The following TMX4 variants were observed in gnomAD, a reference collection of about 807,000 sequenced individuals.
TMX4 encodes the protein thioredoxin related transmembrane protein 4.
Under a neutral mutation model 33.3 loss-of-function variants are expected in TMX4, and 23 were observed. The observed-to-expected ratio is 0.69, with a 90% CI of 0.50 to 0.98. The LOEUF is 0.98. Ranked by LOEUF, TMX4 falls within the 50% of genes least tolerant of loss-of-function variation. TMX4 has a pLI of 0.00. For synonymous variants in TMX4, 164 were observed against 161.5 expected (o/e 1.02, Z -0.12); for missense variants, 399 against 448.9 (o/e 0.89, Z 1.01).
At chr20:7,998,296 A>G (rs2050685625) in intron 4 of TMX4, among the ~76,000 whole-genome samples, 1 of 152,220 alleles carries the variant, frequency 6.6e-6, no homozygotes, top group East Asian at 1.9e-4. Context: ...GCCCAAGGCA[A>G]TAACAAGTAC....
chr20:8,017,143 C>T (rs2050779068), intron 1 of TMX4, among the ~76,000 whole-genome samples: 1 of 151,704 alleles, frequency 6.6e-6, no homozygotes, highest in South Asian at 2.1e-4. Flanking sequence ...CCTGATAATA[C>T]AGAAAAAAAT....
intron 6 of TMX4, among the ~76,000 whole-genome samples, chr20:7,985,247 G>A (rs202066621): frequency 7.8e-5 from 10 of 128,894 alleles, no homozygotes; most frequent in Non-Finnish European, 1.2e-4. Flanking sequence ...GTATATATAT[G>A]TGTGTGTGTG....
intron 5 of TMX4, among the ~76,000 whole-genome samples, chr20:7,995,315 A>G (rs1348673840): frequency 2.0e-5 from 3 of 152,212 alleles, no homozygotes; most frequent in South Asian, 2.1e-4. Context: ...ATTTTGTTCA[A>G]TCTGGTTGGA....
In TMX4 at chr20:7,978,928, C is replaced by T. The variant is rs1234403810; in HGVS notation, c.*3323G>A. On this transcript the variant is annotated 3_prime_UTR_variant, in exon 8 of 8. Coordinates refer to ENST00000246024, the MANE Select transcript of TMX4 (RefSeq NM_021156.4). ...TCCTTCTAATTGATGAAAAGATACCCTGCTCCAACTCCCCAAACATAAAGC... is the reference window on the plus strand; with the variant it reads ...TCCTTCTAATTGATGAAAAGATACCTTGCTCCAACTCCCCAAACATAAAGC... 1 of 152,188 alleles carries T rather than the reference C, an allele frequency of 6.6e-6. No homozygotes were observed. Among genetic ancestry groups the T allele is most frequent in the East Asian group, 1.9e-4 (1 of 5,194 alleles). 9.4% of individuals were successfully genotyped at this position (152,188 alleles called of 1,614,324 possible).
At chr20:7,983,459 G>A (rs1277224882) in intron 7 of TMX4, among the ~76,000 whole-genome samples, 1 of 152,186 alleles carries the variant, frequency 6.6e-6, no homozygotes, top group Admixed American at 6.5e-5. Context: ...AAAGGACTTA[G>A]AAGAGTTACT....
chr20:8,017,224 G>A (rs1204890402), intron 1 of TMX4, among the ~76,000 whole-genome samples: 1 of 152,186 alleles, frequency 6.6e-6, no homozygotes, highest in East Asian at 1.9e-4. Flanking sequence ...GTATAAAGAA[G>A]TTGGATGGAA....
Position 7,987,286 on chromosome 20 carries a change from A to G in TMX4, c.615+2T>C. Reference sequence around the variant, plus strand: ...TAGAAAAAGTTTGGTATTATCTCTTACCAGACCCATAAAAAGGCCAAAAAC... The same window carrying G: ...TAGAAAAAGTTTGGTATTATCTCTTGCCAGACCCATAAAAAGGCCAAAAAC... On this transcript the variant is annotated splice_donor_variant, in intron 6 of 7. Transcript: ENST00000246024. LOFTEE classifies it high-confidence loss of function. The G allele has an allele frequency of 6.4e-7, 1 of 1,572,994 alleles. No homozygotes were observed. The highest frequency in any genetic ancestry group is 8.6e-7 in the Non-Finnish European group (1 of 1,161,324).
chr20:7,983,194 G>C (rs117049708), intron 7 of TMX4, among the ~76,000 whole-genome samples: 2,322 of 152,178 alleles, frequency 0.015, 24 homozygotes, highest in South Asian at 0.022. Flanking sequence ...TTGATATTGG[G>C]TTTCTATTAC....
intron 6 of TMX4, among the ~76,000 whole-genome samples, chr20:7,984,333 A>C (rs1490480464): frequency 6.6e-6 from 1 of 152,214 alleles, no homozygotes; most frequent in African/African-American, 2.4e-5. Context: ...AGGAGAGAAC[A>C]GCAGCACCGC....
chr20:8,000,720 A>C (rs2050702441), intron 3 of TMX4, among the ~76,000 whole-genome samples: 1 of 151,974 alleles, frequency 6.6e-6, no homozygotes, highest in South Asian at 2.1e-4. Flanking sequence ...CTTTTACCTC[A>C]ATGCTGAGGA....
At chr20:7,987,417 A>G (rs1486141405) in intron 5 of TMX4, 28 bp from the exon 6 acceptor site, 2 of 1,511,486 alleles carry the variant, frequency 1.3e-6, no homozygotes, top group African/African-American at 2.9e-5. Flanking sequence ...AAAATAAAAC[A>G]TTAATTTTTA....
At chr20:7,990,448 T>G (rs1032512046) in intron 5 of TMX4, among the ~76,000 whole-genome samples, 1 of 152,100 alleles carries the variant, frequency 6.6e-6, no homozygotes, top group African/African-American at 2.4e-5. Context: ...AAAACATCAT[T>G]ACAACAGAAT....
chr20:8,011,654 A>G (rs2050753763), intron 1 of TMX4, among the ~76,000 whole-genome samples: 1 of 152,150 alleles, frequency 6.6e-6, no homozygotes, highest in Non-Finnish European at 1.5e-5. Flanking sequence ...ACTGAAAATT[A>G]GGCAGAACCC....
chr20:7,995,257 C>A (rs1396750289), intron 5 of TMX4, among the ~76,000 whole-genome samples: 1 of 152,102 alleles, frequency 6.6e-6, no homozygotes, highest in African/African-American at 2.4e-5. Context: ...GGGAGACTCG[C>A]TTCTAAGACT....
intron 1 of TMX4, among the ~76,000 whole-genome samples, chr20:8,018,274 G>T (rs112865722): frequency 0.06 from 7,077 of 117,904 alleles, 544 homozygotes; most frequent in Non-Finnish European, 0.097. Flanking sequence ...GGTGGGGGCG[G>T]GAGGGGGGCA....
At chr20:8,018,201 A>G (rs2050784312) in intron 1 of TMX4, among the ~76,000 whole-genome samples, 2 of 129,752 alleles carry the variant, frequency 1.5e-5, no homozygotes, top group Non-Finnish European at 3.1e-5. Flanking sequence ...AGTAGTATAC[A>G]GATTGCCAGA....
chr20:7,989,580 T>G (rs951828231), intron 5 of TMX4, among the ~76,000 whole-genome samples: 1 of 152,228 alleles, frequency 6.6e-6, no homozygotes, highest in African/African-American at 2.4e-5. Context: ...TTGAGTTTCT[T>G]GGAGAAACTC....
intron 1 of TMX4, among the ~76,000 whole-genome samples, chr20:8,014,219 C>G (rs2050763738): frequency 6.6e-6 from 1 of 152,208 alleles, no homozygotes. Flanking sequence ...ATGACTTTCA[C>G]TAGAATTAAC....
intron 6 of TMX4, among the ~76,000 whole-genome samples, chr20:7,986,577 T>C (rs1233203561): frequency 6.6e-6 from 1 of 152,130 alleles, no homozygotes; most frequent in East Asian, 1.9e-4. Flanking sequence ...AACTTTTTGG[T>C]TTAATTAGGG....
Sources: allele counts gnomAD v4.1 joint callset (sites outside exome capture counted in the v4.1 genomes callset), GRCh38; gene constraint gnomAD v4.1.1; transcripts MANE v1.5; gene names NCBI Gene and HGNC (gene_info 2026-07-23, HGNC 2026-07-21).